BSN: variants seen among roughly 807,000 people sequenced by gnomAD.
The protein encoded by BSN is bassoon presynaptic cytomatrix protein.
Under a neutral mutation model 264.8 loss-of-function variants are expected in BSN, and 57 were observed. That is an observed-to-expected ratio of 0.22 (90% CI 0.17 to 0.27). The LOEUF (loss-of-function observed/expected upper bound fraction) is 0.27. Among genes scored for constraint, BSN ranks in the 10% least tolerant of loss-of-function variants. The pLI, the probability that BSN is intolerant of heterozygous loss-of-function variation, is 1.00. For missense variants in BSN, 4,615 were observed against 5,232.5 expected (o/e 0.88, Z 3.64); for synonymous variants, 2,059 against 2,137.3 (o/e 0.96, Z 1.01).
chr3:49,641,338 C>T (rs973284742), intron 2 of BSN, among the ~76,000 whole-genome samples: 4 of 152,210 alleles, frequency 2.6e-5, no homozygotes, highest in Admixed American at 2.0e-4. Context: ...TGCAAAGCTA[C>T]ATCCTTCTGA....
Position 49,662,528 on chromosome 3 carries a change from G to C in BSN, c.10683G>C (p.Leu3561=). The C allele has an allele frequency of 6.2e-7, 1 of 1,601,298 alleles. No homozygotes were observed. Among genetic ancestry groups the C allele is most frequent in the Non-Finnish European group, 8.5e-7 (1 of 1,173,994 alleles). ...ATAAGCGTGAGGAGGGCTACATCCT[G>C]GATGATTCCCATTGCGTGGTTTCCG... The part of the protein sequence containing the change: ...HAYKREEGYI[L]DDSHCVVSDS... The change falls in exon 6 of 12, where the codon CTG becomes CTC. Residue 3561 remains leucine (L), a synonymous_variant. Transcript: ENST00000296452.
rs2052537835 is a variant in BSN, at chr3:49,651,065, G to A, written c.1972G>A (p.Gly658Ser). ...VVKAVPEAPK[G>S]GEAEDLVGKP... ...CAAGGCTGTTCCAGAAGCCCCCAAG[G>A]GTGGGGAGGCGGAGGTCAGTCCCAT... is the stretch of plus-strand genomic sequence containing the variant. The change falls in exon 4 of 12, where the codon GGT (glycine) becomes AGT (serine). Residue 658 changes from glycine to serine, a missense_variant. Transcript: ENST00000296452. This position sits in a 1 kb window ranked among gnomAD's most constrained non-coding sequence, Gnocchi z 5.4. 6.2e-7 allele frequency: 1 copy of A among 1,611,282 alleles called. No individual in the cohort carries two copies. The highest frequency in any genetic ancestry group is 8.5e-7 in the Non-Finnish European group (1 of 1,179,322).
intron 1 of BSN, among the ~76,000 whole-genome samples, chr3:49,592,341 C>A (rs1335386369): frequency 6.6e-6 from 1 of 151,230 alleles, no homozygotes; most frequent in Non-Finnish European, 1.5e-5. Flanking sequence ...CACTCCTGAC[C>A]TCAGGTGATC....
intron 1 of BSN, among the ~76,000 whole-genome samples, chr3:49,586,326 C>CTCTATCTA (rs59036596): frequency 0.28 from 42,364 of 149,412 alleles, 5,958 homozygotes; most frequent in African/African-American, 0.3. Context: ...GTTTTCCCAG[C>CTCTATCTA]TCTATCTATC....
intron 1 of BSN, among the ~76,000 whole-genome samples, chr3:49,608,793 A>C (rs1371132792): frequency 2.0e-5 from 3 of 150,798 alleles, no homozygotes; most frequent in African/African-American, 7.3e-5. Flanking sequence ...GTGCCACTGC[A>C]CTCTAGCCTG....
At chr3:49,601,446 G>A (rs1295361797) in intron 1 of BSN, among the ~76,000 whole-genome samples, 1 of 152,182 alleles carries the variant, frequency 6.6e-6, no homozygotes, top group African/African-American at 2.4e-5. Context: ...ACCAGTGCCT[G>A]GAAGACTGGA....
Position 49,650,967 on chromosome 3 carries a change from A to C in BSN, c.1874A>C (p.Glu625Ala). ...GAGCCCATGCCGAAGCCACCTCCAG[A>C]GACTACCCCAACCCCTGCGACTCCT... is the stretch of plus-strand genomic sequence containing the variant. ...KAEPMPKPPPETTPTPATPKV... is the reference protein window; with the variant it reads ...KAEPMPKPPPATTPTPATPKV... The change falls in exon 4 of 12, where the codon GAG (glutamate) becomes GCG (alanine). Residue 625 changes from glutamate (E) to alanine (A), a missense_variant. By Grantham distance (107) the Glu-to-Ala change is moderately radical. Coordinates refer to ENST00000296452, the MANE Select transcript of BSN (RefSeq NM_003458.4). 6.2e-7 allele frequency: 1 copy of C among 1,614,168 alleles called. No homozygotes were observed. The highest frequency in any genetic ancestry group is 1.6e-4 in the Middle Eastern group (1 of 6,062).
chr3:49,664,716 T>G, intron 9 of BSN, 83 bp from the exon 10 acceptor site: 1 of 1,584,070 alleles, frequency 6.3e-7, no homozygotes, highest in Non-Finnish European at 8.7e-7. Flanking sequence ...TGGGCTGAGC[T>G]TGCCTTCACT....
chr3:49,583,398 C>T (rs1194900204), intron 1 of BSN, among the ~76,000 whole-genome samples: 1 of 152,202 alleles, frequency 6.6e-6, no homozygotes, highest in African/African-American at 2.4e-5. Context: ...GTTTGCATCT[C>T]TTTTCATAAG....
At chr3:49,624,896 G>T in intron 1 of BSN, 79 bp from the exon 2 acceptor site, 2 of 1,379,280 alleles carry the variant, frequency 1.5e-6, no homozygotes, top group Non-Finnish European at 1.9e-6. Context: ...GCTTGGCAGG[G>T]TCACCTAGCT....
Position 49,625,126 on chromosome 3 carries a change from C to T in BSN, c.376C>T (p.Arg126Cys), listed in dbSNP as rs562467653. The T allele has an allele frequency of 2.9e-5, 46 of 1,598,230 alleles. No individual in the cohort carries two copies. The highest frequency in any genetic ancestry group is 8.1e-5 in the African/African-American group (6 of 74,250). Residue 126 changes from arginine (R) to cysteine (C), a missense_variant, in exon 2 of 12, where the codon CGC (arginine) becomes TGC (cysteine). Transcript: ENST00000296452. This position sits in a 1 kb window ranked among gnomAD's most constrained non-coding sequence, Gnocchi z 4.4. The stretch of plus-strand genomic sequence containing the variant: ...AGCAGGCCAGGAGGCTGATGGTCCC[C>T]GCAGGACGCTGCAGGTAGACAGCAG... Reference protein sequence around the residue: ...GPAGQEADGPRRTLQVDSRTQ... With the variant: ...GPAGQEADGPCRTLQVDSRTQ...
chr3:49,642,766 G>A lies in BSN; in HGVS notation c.1132G>A (p.Ala378Thr), dbSNP rs1290751909. Residue 378 changes from alanine (A) to threonine (T), a missense_variant, in exon 3 of 12, where the codon GCC becomes ACC. Ala to Thr is a moderately conservative substitution (Grantham distance 58). Transcript: ENST00000296452. The surrounding 1 kb of genome is among the most constrained non-coding windows in gnomAD (Gnocchi z 7.0). ...QPEADTQGQPAPSKGTPKIVF... is the reference protein window; with the variant it reads ...QPEADTQGQPTPSKGTPKIVF... ...CGAGGCTGACACCCAGGGCCAGCCT[G>A]CCCCCAGCAAGGGGACACCTAAGAT... 3 of 1,613,480 alleles carry A rather than the reference G, an allele frequency of 1.9e-6. No individual in the cohort carries two copies. Among genetic ancestry groups the A allele is most frequent in the Admixed American group, 3.3e-5 (2 of 60,030 alleles).
At chr3:49,584,299 T>C (rs2051917831) in intron 1 of BSN, among the ~76,000 whole-genome samples, 1 of 151,642 alleles carries the variant, frequency 6.6e-6, no homozygotes, top group South Asian at 2.1e-4. Flanking sequence ...TTTTTTTATC[T>C]TTTGAAAGAA....
In BSN at chr3:49,642,956, G is replaced by T. The variant is rs2052476822; in HGVS notation, c.1322G>T (p.Gly441Val). Residue 441 changes from glycine to valine, a missense_variant, in exon 3 of 12, where the codon GGC (glycine) becomes GTC (valine). Coordinates refer to ENST00000296452, the MANE Select transcript of BSN (RefSeq NM_003458.4). This position sits in a 1 kb window ranked among gnomAD's most constrained non-coding sequence, Gnocchi z 7.0. ...GGGGGAACAACCAGTCCAAAGCATG[G>T]CAGAGCAGAACATCAGGCAGCATCG... Reference protein sequence around the residue: ...KTGGTTSPKHGRAEHQAASKA... With the variant: ...KTGGTTSPKHVRAEHQAASKA... 6.2e-7 allele frequency: 1 copy of T among 1,614,144 alleles called. No individual in the cohort carries two copies. Among genetic ancestry groups the T allele is most frequent in the Non-Finnish European group, 8.5e-7 (1 of 1,180,042 alleles).
At chr3:49,580,315 T>C (rs2051886089) in intron 1 of BSN, among the ~76,000 whole-genome samples, 1 of 152,250 alleles carries the variant, frequency 6.6e-6, no homozygotes, top group South Asian at 2.1e-4. Context: ...TATCCTGTTC[T>C]ATTTTTTGGA....
intron 1 of BSN, among the ~76,000 whole-genome samples, chr3:49,557,576 T>G (rs1297426357): frequency 7.8e-6 from 1 of 128,830 alleles, no homozygotes; most frequent in East Asian, 2.1e-4. Flanking sequence ...CACCTGTCAG[T>G]TTTTTTTTTT....
At chr3:49,663,972 C>T (rs574831976) in intron 8 of BSN, 86 bp downstream of exon 8, 1 of 1,262,228 alleles carries the variant, frequency 7.9e-7, no homozygotes, top group Non-Finnish European at 1.1e-6. Flanking sequence ...TGAGCTCCCC[C>T]ACACTGCATG....
chr3:49,614,638 A>G (rs1441089121), intron 1 of BSN, among the ~76,000 whole-genome samples: 1 of 152,240 alleles, frequency 6.6e-6, no homozygotes, highest in African/African-American at 2.4e-5. Flanking sequence ...TTTGTTCTAC[A>G]TCATGGATGA....
Position 49,657,009 on chromosome 3 carries a change from G to T in BSN, c.7453G>T (p.Gly2485Cys). ...CTTTCCTGCAGCCTGTGAGGCACCT[G>T]GCCGAGGGCCTCCCCTAGCGGCTGC... is the stretch of plus-strand genomic sequence containing the variant. ...APFPAACEAP[G>C]RGPPLAAAEL... The change falls in exon 5 of 12, where the codon GGC becomes TGC. Residue 2485 changes from glycine (G) to cysteine (C), a missense_variant. Gly to Cys is a radical substitution (Grantham distance 159). This residue lies in a region of BSN where 3,415 missense variants were observed against 3,866.4 expected (regional missense o/e 0.88). Transcript: ENST00000296452. 6.2e-7 allele frequency: 1 copy of T among 1,610,572 alleles called. No individual in the cohort carries two copies.
Sources: gnomAD v4.1 joint callset for allele counts (sites outside exome capture counted in the v4.1 genomes callset) on GRCh38, gnomAD v4.1.1 for gene constraint, gnomAD v4.1.1 regional missense constraint, Gnocchi (gnomAD v3.1) non-coding constraint, MANE v1.5 for transcripts, NCBI Gene and HGNC (gene_info 2026-07-23, HGNC 2026-07-21) for gene names.